The following GIN1 variants were observed in gnomAD, a reference collection of about 807,000 sequenced individuals.
GIN1 encodes the protein gypsy retrotransposon integrase-like protein 1.
A neutral mutation model predicts 51.4 loss-of-function variants in GIN1; 41 were observed. The ratio of observed to expected loss-of-function variants is 0.80; its 90% CI spans 0.62 to 1.04. GIN1 has a LOEUF of 1.04. GIN1 is among the 50% of genes least tolerant of loss of function. The pLI, the probability that GIN1 is intolerant of heterozygous loss-of-function variation, is 0.00. For missense variants in GIN1, 610 were observed against 612.4 expected, an observed-to-expected ratio of 1.00 and a Z score of 0.04; for synonymous variants, 222 against 206.5, an observed-to-expected ratio of 1.07 and a Z score of -0.64.
chr5:103,108,537 C>G lies in GIN1; in HGVS notation c.139+32G>C, dbSNP rs1583129672. 6 of 1,479,604 alleles carry G rather than the reference C, an allele frequency of 4.1e-6. No homozygotes were observed. In the African/African-American group the frequency reaches 6.9e-5, roughly 17 times the overall value. The allele number at this position is 1,479,604 out of a possible 1,614,324, so 91.7% of individuals were successfully genotyped here. A position where few individuals can be genotyped will look rare whatever the true frequency, so the allele number is the denominator to read the frequency against. On this transcript the variant is annotated intron_variant, in intron 2 of 7. Transcript: ENST00000399004. Reference sequence around the variant, plus strand: ...GAAGAATGTGGGGAAGAATCTACAACTCAATAATCAAAATTTGAACATTAA... The same window carrying G: ...GAAGAATGTGGGGAAGAATCTACAAGTCAATAATCAAAATTTGAACATTAA...
At position 103,111,529 on chromosome 5, in the gene GIN1, T is replaced by C. The variant is rs141492207; in HGVS notation, c.-7-2815A>G. Reference sequence around the variant, plus strand: ...TAAAAATTGTGTATTTCCTTCCTTTTAGAGACCAGTAAAGGTTGCAAAAAC... The same window carrying C: ...TAAAAATTGTGTATTTCCTTCCTTTCAGAGACCAGTAAAGGTTGCAAAAAC... On this transcript the variant is annotated intron_variant, in intron 1 of 7. Coordinates refer to ENST00000399004, the MANE Select transcript of GIN1 (RefSeq NM_017676.2). 1.4e-3 allele frequency among the ~76,000 whole-genome samples: 215 copies of C among 152,150 alleles called. 1 individual carries two copies. The highest frequency in any genetic ancestry group is 5.1e-3 in the African/African-American group (211 of 41,506).
At chr5:103,098,589 G>A (rs998780155) in intron 4 of GIN1, among the ~76,000 whole-genome samples, 1 of 152,206 alleles carries the variant, frequency 6.6e-6, no homozygotes, top group East Asian at 1.9e-4. Context: ...CTGCCTAGCA[G>A]CTTGGACTAC....
Position 103,097,628 on chromosome 5 carries a change from G to GTGATCAGTGTTCACTGATCACAGTGAACA in GIN1, c.792_793insTGTTCACTGTGATCAGTGAACACTGATCA (p.Leu265CysfsTer4), listed in dbSNP as rs1554195271. The GTGATCAGTGTTCACTGATCACAGTGAACA allele has an allele frequency of 1.2e-6, 2 of 1,611,782 alleles. No homozygotes were observed. The highest frequency in any genetic ancestry group is 1.7e-6 in the Non-Finnish European group (2 of 1,178,170). Reference sequence around the variant, plus strand: ...TTGAAGGCAAATGAAACAGCTGATAGGTGATCATCCCAATTGTTTGGGTGG... The same window carrying GTGATCAGTGTTCACTGATCACAGTGAACA: ...TTGAAGGCAAATGAAACAGCTGATAGTGATCAGTGTTCACTGATCACAGTGAACAGTGATCATCCCAATTGTTTGGGTGG... On this transcript the variant is annotated stop_gained and frameshift_variant, in exon 5 of 8. Transcript: ENST00000399004. LOFTEE classifies it high-confidence loss of function.
At chr5:103,119,832 T>C (rs554522270) in intron 1 of GIN1, among the ~76,000 whole-genome samples, 1 of 152,164 alleles carries the variant, frequency 6.6e-6, no homozygotes, top group South Asian at 2.1e-4. Flanking sequence ...TTACACCCAG[T>C]AGGCACCTCC....
chr5:103,116,822 TCAA>T (rs1338244748), intron 1 of GIN1, among the ~76,000 whole-genome samples: 1 of 152,000 alleles, frequency 6.6e-6, no homozygotes, highest in African/African-American at 2.4e-5. Flanking sequence ...GAAAAAATGC[TCAA>T]CATCAATAGA....
intron 1 of GIN1, among the ~76,000 whole-genome samples, chr5:103,112,987 A>AAG (rs1787929274): frequency 1.3e-5 from 2 of 152,182 alleles, no homozygotes; most frequent in Non-Finnish European, 2.9e-5. Context: ...AAAGAGTACT[A>AAG]TCAAAACAGA....
chr5:103,097,237 G>T, intron 6 of GIN1, 77 bp downstream of exon 6: 1 of 835,808 alleles, frequency 1.2e-6, no homozygotes, highest in Non-Finnish European at 1.9e-6. Context: ...ATGCACACAT[G>T]TATATGCTGA....
chr5:103,102,429 T>A (rs1787600460), intron 4 of GIN1: 1 of 152,174 alleles, frequency 6.6e-6, no homozygotes, highest in African/African-American at 2.4e-5. Context: ...TTACAATTTG[T>A]TTGATGACAT....
At chr5:103,114,213 G>C (rs547626973) in intron 1 of GIN1, among the ~76,000 whole-genome samples, 29 of 152,282 alleles carry the variant, frequency 1.9e-4, no homozygotes, top group South Asian at 8.3e-4. Context: ...GGAGTTACAA[G>C]ATTAGATTTC....
At position 103,096,340 on chromosome 5, in the gene GIN1, C is replaced by CA. The variant is rs782447122; in HGVS notation, c.1294+200dup. On this transcript the variant is annotated intron_variant, in intron 7 of 7. Coordinates refer to ENST00000399004, the MANE Select transcript of GIN1 (RefSeq NM_017676.2). ...GGGCAGAAAGAGGGAAACTCTGTCTCAAAAAAAAAATCTCACAGGCCTGAC... is the reference window on the plus strand; with the variant it reads ...GGGCAGAAAGAGGGAAACTCTGTCTCAAAAAAAAAAATCTCACAGGCCTGAC... Among the ~76,000 whole-genome samples, 1,138 of 148,120 alleles carry CA rather than the reference C, an allele frequency of 7.7e-3. 11 individuals are homozygous for CA. The highest frequency in any genetic ancestry group is 0.025 in the African/African-American group (1,013 of 40,338).
intron 1 of GIN1, among the ~76,000 whole-genome samples, chr5:103,113,208 C>T (rs912020856): frequency 2.2e-4 from 34 of 152,166 alleles, no homozygotes; most frequent in African/African-American, 7.5e-4. Context: ...TCACTTAACT[C>T]GAAATACATC....
intron 1 of GIN1, among the ~76,000 whole-genome samples, chr5:103,113,044 T>C (rs1787930312): frequency 6.6e-6 from 1 of 152,078 alleles, no homozygotes; most frequent in East Asian, 1.9e-4. Flanking sequence ...AAGCACTGAT[T>C]GTAGATGAGG....
intron 1 of GIN1, among the ~76,000 whole-genome samples, chr5:103,112,049 C>A (rs962533731): frequency 1.5e-4 from 15 of 102,496 alleles, no homozygotes; most frequent in African/African-American, 5.8e-4. Context: ...TTGCTCTCCT[C>A]AGAGTAAACC....
intron 4 of GIN1, among the ~76,000 whole-genome samples, chr5:103,099,940 CAA>C (rs1787522258): frequency 2.0e-5 from 3 of 152,214 alleles, no homozygotes; most frequent in Admixed American, 2.0e-4. Flanking sequence ...TATTTGCTGA[CAA>C]AAGAGTTCAT....
At chr5:103,112,060 T>C (rs544828161) in intron 1 of GIN1, among the ~76,000 whole-genome samples, 1 of 152 alleles carries the variant, frequency 6.6e-3, no homozygotes, top group African/African-American at 0.026. Flanking sequence ...AGAGTAAACC[T>C]ATAGTACAAG....
At chr5:103,110,694 C>A (rs977487366) in intron 1 of GIN1, among the ~76,000 whole-genome samples, 4 of 152,084 alleles carry the variant, frequency 2.6e-5, no homozygotes, top group African/African-American at 9.7e-5. Context: ...AAGCTGAGCA[C>A]AAATTTACCC....
chr5:103,096,244 G>A (rs1554195027), intron 7 of GIN1, among the ~76,000 whole-genome samples: 1 of 152,094 alleles, frequency 6.6e-6, no homozygotes, highest in Admixed American at 6.5e-5. Context: ...TCGGGAGGCT[G>A]AGGCAGAATT....
Position 103,087,865 on chromosome 5 carries a change from T to C in GIN1, c.*33A>G. ...AAGATATCATTAAGAATTTATATTCTAAACAAACAATTTAAATAAATTTTG... is the reference window on the plus strand; with the variant it reads ...AAGATATCATTAAGAATTTATATTCCAAACAAACAATTTAAATAAATTTTG... On this transcript the variant is annotated 3_prime_UTR_variant, in exon 8 of 8. Transcript: ENST00000399004. 1.1e-6 allele frequency: 1 copy of C among 918,408 alleles called. No individual in the cohort carries two copies. Among genetic ancestry groups the C allele is most frequent in the East Asian group, 2.7e-5 (1 of 37,726 alleles). 56.9% of individuals were successfully genotyped at this position (918,408 alleles called of 1,614,324 possible). A position where few individuals can be genotyped will look rare whatever the true frequency, so the allele number is the denominator to read the frequency against.
rs781896105 is a variant in GIN1, at chr5:103,097,431, C to T, written c.891G>A (p.Glu297=). The T allele has an allele frequency of 6.3e-7, 1 of 1,575,422 alleles. No individual in the cohort carries two copies. The highest frequency in any genetic ancestry group is 8.7e-7 in the Non-Finnish European group (1 of 1,145,496). The change falls in exon 6 of 8, where the codon GAG becomes GAA. Residue 297 remains glutamate, a synonymous_variant. Transcript: ENST00000399004. ...CCACTTCATGAAGACTATCTGAAGT[C>T]TCAGGCATATAAGGATTTCGACTAA... ...QMFSRNPYMP[E]TSDSLHEVDG... is the part of the protein sequence containing the mutation.
Sources: allele counts gnomAD v4.1 joint callset (sites outside exome capture counted in the v4.1 genomes callset), GRCh38; gene constraint gnomAD v4.1.1; transcripts MANE v1.5; gene names NCBI Gene and HGNC (gene_info 2026-07-23, HGNC 2026-07-21).